Variants in UBE2L3 observed in about 807,000 individuals in gnomAD.
UBE2L3 encodes ubiquitin conjugating enzyme E2 L3.
UBE2L3 carries 1 observed loss-of-function variant against 17.8 expected under a neutral mutation model. The observed-to-expected ratio is 0.06, with a 90% confidence interval of 0.02 to 0.27. UBE2L3 has a LOEUF of 0.27. UBE2L3 is among the 10% of genes least tolerant of loss of function. The pLI, the probability that UBE2L3 is intolerant of heterozygous loss-of-function variation, is 1.00. For synonymous variants in UBE2L3, 44 were observed against 68.5 expected (o/e 0.64, Z 1.76); for missense variants, 40 against 192.6 (o/e 0.21, Z 4.69).
chr22:21,567,791 A>G lies in UBE2L3; in HGVS notation c.27+20A>G, dbSNP rs1926712987. ...ATGAAGGTAAAAGCCATTCTCTGGC[A>G]GCGGCCGGGCGTGGGGCGGCGTCCT... On this transcript the variant is annotated intron_variant, in intron 1 of 3. Transcript: ENST00000342192. The G allele has an allele frequency of 1.9e-6, 3 of 1,575,862 alleles. No individual in the cohort carries two copies. The highest frequency in any genetic ancestry group is 1.9e-5 in the Admixed American group (1 of 52,344).
chr22:21,568,201 G>A, intron 1 of UBE2L3: 1 of 992,994 alleles, frequency 1.0e-6, no homozygotes, highest in Non-Finnish European at 1.2e-6. Context: ...GGGCCGCAGC[G>A]CGCCGGGCTT....
At position 21,621,668 on chromosome 22, in the gene UBE2L3, A is replaced by G. The variant is rs753016215; in HGVS notation, c.464A>G (p.Ter155=). 30 of 1,604,850 alleles carry G rather than the reference A, an allele frequency of 1.9e-5. No homozygotes were observed. Among genetic ancestry groups the G allele is most frequent in the Middle Eastern group, 4.5e-4 (2 of 4,446 alleles). The change falls in exon 4 of 4, where the codon TAA becomes TGA. Residue 155 remains the stop codon, a stop_retained_variant. Transcript: ENST00000342192. ...TATGGGGAAAAGCGACCTGTGGACT[A>G]AAATCTGCCACGATTGGTTCCAGCA... ...KKYGEKRPVD[*]
intron 1 of UBE2L3, among the ~76,000 whole-genome samples, chr22:21,573,763 G>A (rs1332516048): frequency 1.3e-5 from 2 of 152,166 alleles, no homozygotes; most frequent in African/African-American, 4.8e-5. Context: ...CCCCAGTGCT[G>A]CTTGCGTCTG....
chr22:21,583,488 G>C (rs145494460), intron 1 of UBE2L3, among the ~76,000 whole-genome samples: 99 of 152,346 alleles, frequency 6.5e-4, no homozygotes, highest in African/African-American at 2.3e-3. Flanking sequence ...CTTGCATTGA[G>C]ACTTGCTGCC....
chr22:21,566,486 C>T (rs1050005060), upstream of UBE2L3, among the ~76,000 whole-genome samples: 3 of 151,258 alleles, frequency 2.0e-5, no homozygotes, highest in Admixed American at 6.6e-5. Flanking sequence ...AATTGGGAGG[C>T]GAAGCAGGAG....
At chr22:21,555,842 G>A (rs1405412036) in intron 1 of UBE2L3, among the ~76,000 whole-genome samples, 1 of 152,232 alleles carries the variant, frequency 6.6e-6, no homozygotes, top group African/African-American at 2.4e-5. Flanking sequence ...TGAGGCAGGA[G>A]AATCACTTGA....
At chr22:21,604,993 C>T (rs1192457463) in intron 2 of UBE2L3, among the ~76,000 whole-genome samples, 1 of 152,100 alleles carries the variant, frequency 6.6e-6, no homozygotes, top group East Asian at 1.9e-4. Flanking sequence ...CTGTCTTGTC[C>T]AGGCTGGAAG....
chr22:21,599,682 G>C (rs902165695), intron 2 of UBE2L3, among the ~76,000 whole-genome samples: 6 of 152,214 alleles, frequency 3.9e-5, no homozygotes, highest in African/African-American at 1.2e-4. Context: ...TAGATGTACA[G>C]AAATTAAGGC....
At chr22:21,601,336 CAG>C (rs1231201697) in intron 2 of UBE2L3, among the ~76,000 whole-genome samples, 1 of 151,576 alleles carries the variant, frequency 6.6e-6, no homozygotes, top group East Asian at 2.0e-4. Flanking sequence ...GTTTTTGAGA[CAG>C]AGTCTCTCTC....
intron 1 of UBE2L3, among the ~76,000 whole-genome samples, chr22:21,586,185 C>T (rs1284161904): frequency 6.6e-6 from 1 of 152,122 alleles, no homozygotes; most frequent in Non-Finnish European, 1.5e-5. Context: ...TTAAGTGATC[C>T]TCCTGCCTTG....
chr22:21,557,538 T>C (rs1194429496), intron 1 of UBE2L3, among the ~76,000 whole-genome samples: 1 of 152,244 alleles, frequency 6.6e-6, no homozygotes, highest in Non-Finnish European at 1.5e-5. Flanking sequence ...CTTTTTTTTT[T>C]TTGAGACAGA....
chr22:21,593,800 A>C (rs1177718919), intron 2 of UBE2L3, among the ~76,000 whole-genome samples: 1 of 152,184 alleles, frequency 6.6e-6, no homozygotes, highest in Non-Finnish European at 1.5e-5. Flanking sequence ...CACGGGCAGC[A>C]TTCCAGCCCC....
At chr22:21,586,458 T>C (rs1047482907) in intron 1 of UBE2L3, among the ~76,000 whole-genome samples, 2 of 151,846 alleles carry the variant, frequency 1.3e-5, no homozygotes, top group African/African-American at 4.8e-5. Flanking sequence ...TTAGTAGAGA[T>C]GAGGTTTCAC....
intron 3 of UBE2L3, among the ~76,000 whole-genome samples, chr22:21,619,193 C>T (rs1929930103): frequency 6.6e-6 from 1 of 152,182 alleles, no homozygotes; most frequent in South Asian, 2.1e-4. Context: ...CACTGAAATA[C>T]ACTGTGGCCA....
chr22:21,589,101 ATCT>A (rs1228203169), intron 1 of UBE2L3, among the ~76,000 whole-genome samples: 1 of 134,036 alleles, frequency 7.5e-6, no homozygotes, highest in African/African-American at 2.8e-5. Context: ...GCCTGAATTT[ATCT>A]TCTTGAAGTT....
At chr22:21,568,978 C>T (rs1022045999) in intron 1 of UBE2L3, among the ~76,000 whole-genome samples, 2 of 152,162 alleles carry the variant, frequency 1.3e-5, no homozygotes, top group Non-Finnish European at 2.9e-5. Context: ...CAGACCTCTC[C>T]TCATCTCTTA....
At chr22:21,620,915 G>A (rs1930013568) in intron 3 of UBE2L3, among the ~76,000 whole-genome samples, 1 of 152,132 alleles carries the variant, frequency 6.6e-6, no homozygotes, top group Non-Finnish European at 1.5e-5. Context: ...AGTTCTACCC[G>A]GTCCTGCCCT....
At chr22:21,558,813 AT>A in intron 1 of UBE2L3, among the ~76,000 whole-genome samples, 1 of 152,180 alleles carries the variant, frequency 6.6e-6, no homozygotes, top group South Asian at 2.1e-4. Flanking sequence ...TTTTGTTTCT[AT>A]GTGTTTTCTG....
intron 1 of UBE2L3, among the ~76,000 whole-genome samples, chr22:21,587,185 G>A (rs998574701): frequency 2.0e-5 from 3 of 150,314 alleles, no homozygotes; most frequent in South Asian, 2.1e-4. Flanking sequence ...CACGCCTGGC[G>A]CTGGCATAGA....
Sources: allele counts gnomAD v4.1 joint callset (sites outside exome capture counted in the v4.1 genomes callset), GRCh38; gene constraint gnomAD v4.1.1; transcripts MANE v1.5; gene names NCBI Gene and HGNC (gene_info 2026-07-23, HGNC 2026-07-21).